Variants in MACROD2 observed in about 807,000 individuals in gnomAD.
MACROD2 encodes the protein mono-ADP ribosylhydrolase 2, also known as ADP-ribose glycohydrolase MACROD2.
Under a neutral mutation model 70.4 loss-of-function variants are expected in MACROD2, and 36 were observed. The observed-to-expected ratio is 0.51, with a 90% CI of 0.39 to 0.68. MACROD2 has a LOEUF of 0.68. Among genes scored for constraint, MACROD2 ranks in the 30% least tolerant of loss-of-function variants. MACROD2 has a pLI of 0.00. For synonymous variants in MACROD2, 172 were observed against 178.8 expected (o/e 0.96, Z 0.30); for missense variants, 496 against 538.4 (o/e 0.92, Z 0.78).
At chr20:15,927,028 A>G (rs1428111689) in intron 10 of MACROD2, among the ~76,000 whole-genome samples, 1 of 152,170 alleles carries the variant, frequency 6.6e-6, no homozygotes, top group Non-Finnish European at 1.5e-5. Flanking sequence ...GCCGGCACTA[A>G]CCATTAACTA....
Position 15,023,412 on chromosome 20 carries a change from C to T in MACROD2, c.419-206528C>T, listed in dbSNP as rs913388236. On this transcript the variant is annotated intron_variant, in intron 5 of 17. Transcript: ENST00000684519. Reference sequence around the variant, plus strand: ...CACTCTTGGCTCTTAAATATGTCTTCCCAGAGAGGGCATGCTTTCCTAATC... The same window carrying T: ...CACTCTTGGCTCTTAAATATGTCTTTCCAGAGAGGGCATGCTTTCCTAATC... Among the ~76,000 whole-genome samples the T allele has an allele frequency of 9.2e-5, 14 of 152,244 alleles. 1 individual carries two copies. The highest frequency in any genetic ancestry group is 3.1e-4 in the African/African-American group (13 of 41,560).
intron 8 of MACROD2, among the ~76,000 whole-genome samples, chr20:15,840,029 A>G (rs564714093): frequency 1.3e-5 from 2 of 152,282 alleles, no homozygotes; most frequent in African/African-American, 2.4e-5. Context: ...TGCCTGAAAA[A>G]TAGAAACTGA....
chr20:16,038,650 A>G (rs2067267190), intron 15 of MACROD2, among the ~76,000 whole-genome samples: 1 of 151,810 alleles, frequency 6.6e-6, no homozygotes, highest in Non-Finnish European at 1.5e-5. Flanking sequence ...AAATACATTA[A>G]TTGTTATTTA....
intron 4 of MACROD2, chr20:14,632,038 A>G (rs1984541982): frequency 6.6e-6 from 1 of 151,682 alleles, no homozygotes; most frequent in Admixed American, 6.6e-5. Context: ...CAAACTAGCT[A>G]TTCCCTGAGA....
chr20:15,025,288 T>C (rs926814899), intron 5 of MACROD2, among the ~76,000 whole-genome samples: 3 of 152,082 alleles, frequency 2.0e-5, no homozygotes, highest in Non-Finnish European at 4.4e-5. Context: ...GTTCAATGAA[T>C]CAGTACAAGC....
chr20:14,380,205 T>C (rs1354136458), intron 3 of MACROD2, among the ~76,000 whole-genome samples: 1 of 152,136 alleles, frequency 6.6e-6, no homozygotes, highest in Non-Finnish European at 1.5e-5. Flanking sequence ...TGATTAATGA[T>C]ATTGAGCATC....
At chr20:14,153,756 A>G (rs910205500) in intron 3 of MACROD2, among the ~76,000 whole-genome samples, 5 of 152,250 alleles carry the variant, frequency 3.3e-5, no homozygotes, top group Non-Finnish European at 7.3e-5. Context: ...CTTGATTAAA[A>G]GACATTCACC....
At chr20:15,686,924 G>A (rs1286656019) in intron 8 of MACROD2, among the ~76,000 whole-genome samples, 1 of 147,100 alleles carries the variant, frequency 6.8e-6, no homozygotes, top group Non-Finnish European at 1.5e-5. Context: ...ATAATTGACA[G>A]GACAAGACCC....
chr20:14,605,660 A>G (rs377607413), intron 4 of MACROD2, among the ~76,000 whole-genome samples: 26 of 152,246 alleles, frequency 1.7e-4, no homozygotes, highest in African/African-American at 6.0e-4. Context: ...CTGTTAAAGC[A>G]TTTGTTAGGA....
intron 6 of MACROD2, chr20:15,280,967 G>A (rs927022295): frequency 6.6e-6 from 1 of 152,276 alleles, no homozygotes; most frequent in African/African-American, 2.4e-5. Flanking sequence ...TGCATTGCTA[G>A]GGAGGCCTCA....
chr20:14,300,453 C>T (rs1346862439), intron 3 of MACROD2, among the ~76,000 whole-genome samples: 1 of 152,088 alleles, frequency 6.6e-6, no homozygotes, highest in Admixed American at 6.6e-5. Flanking sequence ...AAACAAAGCT[C>T]TTGGGTTTTT....
chr20:14,531,098 G>A (rs1251807248), intron 4 of MACROD2, among the ~76,000 whole-genome samples: 1 of 152,184 alleles, frequency 6.6e-6, no homozygotes, highest in Non-Finnish European at 1.5e-5. Context: ...TTGGGGACAG[G>A]GAAGGTAGGA....
chr20:15,706,712 A>T (rs910990957), intron 8 of MACROD2, among the ~76,000 whole-genome samples: 2 of 152,246 alleles, frequency 1.3e-5, no homozygotes, highest in Non-Finnish European at 2.9e-5. Context: ...CTAATAGGGG[A>T]TGAAAATTTA....
chr20:14,934,902 C>T (rs566032928), intron 5 of MACROD2: 1 of 152,190 alleles, frequency 6.6e-6, no homozygotes, highest in Non-Finnish European at 1.5e-5. Context: ...GACAGACCTC[C>T]AATAGAGAGG....
intron 5 of MACROD2, among the ~76,000 whole-genome samples, chr20:15,130,282 C>T (rs2076095844): frequency 1.3e-5 from 2 of 151,780 alleles, no homozygotes. Context: ...CCATCTAGTC[C>T]AAGGAGGAAA....
intron 4 of MACROD2, among the ~76,000 whole-genome samples, chr20:14,613,532 A>T (rs1331616355): frequency 6.6e-6 from 1 of 152,050 alleles, no homozygotes; most frequent in Admixed American, 6.6e-5. Flanking sequence ...TTTACTTGAC[A>T]TCTATTTGCA....
intron 15 of MACROD2, among the ~76,000 whole-genome samples, chr20:16,026,806 C>T (rs1447577204): frequency 6.6e-6 from 1 of 152,098 alleles, no homozygotes; most frequent in Non-Finnish European, 1.5e-5. Flanking sequence ...TGGAATAAAG[C>T]CCCTACGAGG....
At chr20:15,110,862 C>T (rs959692869) in intron 5 of MACROD2, among the ~76,000 whole-genome samples, 1 of 152,174 alleles carries the variant, frequency 6.6e-6, no homozygotes, top group African/African-American at 2.4e-5. Flanking sequence ...AATACTCAAA[C>T]TCCATTGGCT....
chr20:15,015,703 G>A (rs896920642), intron 5 of MACROD2, among the ~76,000 whole-genome samples: 9 of 152,280 alleles, frequency 5.9e-5, no homozygotes, highest in South Asian at 2.1e-4. Flanking sequence ...TAAAACAAAT[G>A]TTCTGGAACT....
Sources: gnomAD v4.1 joint callset for allele counts (sites outside exome capture counted in the v4.1 genomes callset) on GRCh38, gnomAD v4.1.1 for gene constraint, MANE v1.5 for transcripts, NCBI Gene and HGNC (gene_info 2026-07-23, HGNC 2026-07-21) for gene names.